NRXN3: variants seen among roughly 807,000 people sequenced by gnomAD.
NRXN3 encodes neurexin 3.
Under a neutral mutation model 137.6 loss-of-function variants are expected in NRXN3, and 32 were observed. The observed-to-expected ratio is 0.23, with a 90% CI of 0.18 to 0.31. NRXN3 has a LOEUF of 0.31. Ranked by LOEUF, NRXN3 falls within the 10% of genes least tolerant of loss-of-function variation. The pLI, the probability that NRXN3 is intolerant of heterozygous loss-of-function variation, is 1.00. For missense variants in NRXN3, 1,574 were observed against 2,062.5 expected, an observed-to-expected ratio of 0.76 and a Z score of 4.59; for synonymous variants, 798 against 784.5, an observed-to-expected ratio of 1.02 and a Z score of -0.29.
At chr14:78,199,848 TGCCGTGA>T (rs1482741061) in intron 1 of NRXN3, among the ~76,000 whole-genome samples, 9 of 152,212 alleles carry the variant, frequency 5.9e-5, no homozygotes, top group Non-Finnish European at 8.8e-5. Context: ...CATTCCAACC[TGCCGTGA>T]GCCAGGGAGG....
intron 4 of NRXN3, among the ~76,000 whole-genome samples, chr14:78,406,572 A>G (rs2092498588): frequency 6.6e-6 from 1 of 152,218 alleles, no homozygotes; most frequent in Non-Finnish European, 1.5e-5. Context: ...CTAATGTCCC[A>G]TAGCAGAGGA....
intron 15 of NRXN3, among the ~76,000 whole-genome samples, chr14:79,081,615 C>A (rs1467054204): frequency 8.9e-4 from 98 of 110,222 alleles, no homozygotes; most frequent in African/African-American, 2.1e-3. Flanking sequence ...GACTTTATCT[C>A]AAAAAAAAAA....
intron 4 of NRXN3, among the ~76,000 whole-genome samples, chr14:78,565,758 A>G (rs1471190376): frequency 6.6e-6 from 1 of 152,204 alleles, no homozygotes; most frequent in Non-Finnish European, 1.5e-5. Flanking sequence ...GCCCTGCACT[A>G]TGTGTAGATA....
intron 19 of NRXN3, among the ~76,000 whole-genome samples, chr14:79,720,791 G>GTTTGC (rs1206258101): frequency 6.6e-6 from 1 of 152,028 alleles, no homozygotes; most frequent in Non-Finnish European, 1.5e-5. Context: ...TCAGAATGGT[G>GTTTGC]TTTGCTTTGT....
At chr14:78,817,953 T>G (rs1036592379) in intron 10 of NRXN3, among the ~76,000 whole-genome samples, 5 of 152,164 alleles carry the variant, frequency 3.3e-5, no homozygotes, top group Admixed American at 3.3e-4. Context: ...GCTGCTGAAT[T>G]CTAGGAAGGA....
intron 16 of NRXN3, among the ~76,000 whole-genome samples, chr14:79,631,936 G>A (rs1373594749): frequency 6.6e-6 from 1 of 152,072 alleles, no homozygotes; most frequent in Non-Finnish European, 1.5e-5. Flanking sequence ...CTGTCAAAAC[G>A]GACCAATCAG....
chr14:79,831,090 A>G (rs1339426757), intron 20 of NRXN3, among the ~76,000 whole-genome samples: 1 of 152,208 alleles, frequency 6.6e-6, no homozygotes, highest in Non-Finnish European at 1.5e-5. Context: ...CCAGGAAATC[A>G]TAAGGAAAAG....
At position 79,621,777 on chromosome 14, in the gene NRXN3, C is replaced by G. The variant is rs556715025; in HGVS notation, c.3445-42001C>G. Among the ~76,000 whole-genome samples the G allele has an allele frequency of 5.9e-5, 9 of 152,244 alleles. No individual in the cohort carries two copies. The East Asian group carries it at 1.7e-3, about 29-fold the overall frequency. ...AACAAATAAATTATTTATAGCATGA[C>G]AAAAATAGGATTTGGCTTAATCCAA... On this transcript the variant is annotated intron_variant, in intron 16 of 20. Transcript: ENST00000335750.
intron 4 of NRXN3, among the ~76,000 whole-genome samples, chr14:78,484,009 CACACACACACACACACACAGAG>C (rs1567720388): frequency 6.8e-6 from 1 of 147,318 alleles, no homozygotes; most frequent in East Asian, 2.1e-4. Flanking sequence ...CACACACACA[CACACACACACACACACACAGAG>C]AGAGAGAGAG....
intron 16 of NRXN3, among the ~76,000 whole-genome samples, chr14:79,632,074 A>G (rs888498931): frequency 2.0e-5 from 3 of 151,494 alleles, no homozygotes; most frequent in African/African-American, 7.3e-5. Flanking sequence ...TTGTTCTTTC[A>G]CTCTTTACAA....
At chr14:79,456,250 G>C (rs1287202489) in intron 15 of NRXN3, among the ~76,000 whole-genome samples, 8 of 152,214 alleles carry the variant, frequency 5.3e-5, no homozygotes, top group African/African-American at 1.9e-4. Flanking sequence ...TTCCTGAGTT[G>C]CTTATCACCC....
intron 16 of NRXN3, among the ~76,000 whole-genome samples, chr14:79,548,703 A>G (rs1179485473): frequency 6.6e-6 from 1 of 151,826 alleles, no homozygotes; most frequent in Non-Finnish European, 1.5e-5. Context: ...AACATCTTGA[A>G]TAGAAAATAA....
chr14:78,784,619 T>A lies in NRXN3; in HGVS notation c.2045-19001T>A, dbSNP rs147681069. Among the ~76,000 whole-genome samples the A allele has an allele frequency of 3.2e-3, 489 of 152,146 alleles. 2 individuals are homozygous for A. The highest frequency in any genetic ancestry group is 0.011 in the African/African-American group (467 of 41,524). ...GTTATTCCCAGTGCATTAGGAAGCA[T>A]GGGAAGTTATAACAAGGGTAGGAGG... On this transcript the variant is annotated intron_variant, in intron 8 of 20. Coordinates refer to ENST00000335750, the MANE Select transcript of NRXN3 (RefSeq NM_001330195.2).
At chr14:78,379,373 G>A (rs1186542720) in intron 4 of NRXN3, among the ~76,000 whole-genome samples, 8 of 152,098 alleles carry the variant, frequency 5.3e-5, no homozygotes, top group Admixed American at 2.6e-4. Context: ...AAAAATATTA[G>A]CAAGTACAAT....
intron 8 of NRXN3, among the ~76,000 whole-genome samples, chr14:78,775,675 G>T (rs1000698960): frequency 1.3e-5 from 2 of 152,166 alleles, no homozygotes; most frequent in Non-Finnish European, 2.9e-5. Flanking sequence ...ATAACTAATT[G>T]TGGGTTATAT....
At chr14:79,649,557 A>C (rs2098466503) in intron 16 of NRXN3, among the ~76,000 whole-genome samples, 1 of 140,216 alleles carries the variant, frequency 7.1e-6, no homozygotes, top group Admixed American at 7.1e-5. Flanking sequence ...CATGTTTATG[A>C]ACCTTAAAAA....
At chr14:79,852,698 C>G (rs547856245) in intron 20 of NRXN3, among the ~76,000 whole-genome samples, 2 of 152,074 alleles carry the variant, frequency 1.3e-5, no homozygotes, top group East Asian at 1.9e-4. Context: ...AATTAACCAG[C>G]CAAAAAAGCA....
chr14:78,606,028 G>T (rs1052896315), intron 4 of NRXN3, among the ~76,000 whole-genome samples: 1 of 152,102 alleles, frequency 6.6e-6, no homozygotes, highest in East Asian at 1.9e-4. Context: ...AGCAGCACAA[G>T]AATTTGAGGA....
At chr14:79,800,447 T>C (rs2099174596) in intron 19 of NRXN3, among the ~76,000 whole-genome samples, 2 of 152,208 alleles carry the variant, frequency 1.3e-5, no homozygotes, top group African/African-American at 2.4e-5. Flanking sequence ...TGAGTCTAGA[T>C]AGTCTAGATA....
Sources: gnomAD v4.1 joint callset for allele counts (sites outside exome capture counted in the v4.1 genomes callset) on GRCh38, gnomAD v4.1.1 for gene constraint, MANE v1.5 for transcripts, NCBI Gene and HGNC (gene_info 2026-07-23, HGNC 2026-07-21) for gene names.